The following NFIB variants were observed in gnomAD, a reference collection of about 807,000 sequenced individuals.
NFIB encodes the protein nuclear factor 1 B-type.
Under a neutral mutation model 61.5 loss-of-function variants are expected in NFIB, and 11 were observed. The observed-to-expected ratio is 0.18, with a 90% CI of 0.11 to 0.30. NFIB has a LOEUF of 0.30. Ranked by LOEUF, NFIB falls within the 10% of genes least tolerant of loss-of-function variation. The probability of loss-of-function intolerance (pLI) is 1.00; values close to 1 mark genes in which losing one functional copy is unlikely to be tolerated. For missense variants in NFIB, 471 were observed against 608.9 expected, an observed-to-expected ratio of 0.77 and a Z score of 2.38; for synonymous variants, 260 against 216.5, an observed-to-expected ratio of 1.20 and a Z score of -1.76.
At chr9:14,133,234 C>T (rs2040615622) in intron 6 of NFIB, among the ~76,000 whole-genome samples, 1 of 152,078 alleles carries the variant, frequency 6.6e-6, no homozygotes, top group African/African-American at 2.4e-5. Flanking sequence ...TTGAAAACCT[C>T]TTCAGAGACC....
upstream of NFIB, among the ~76,000 whole-genome samples, chr9:14,316,667 GATTAA>G (rs2060549022): frequency 6.6e-6 from 1 of 152,086 alleles, no homozygotes. Flanking sequence ...CCTCATCTTA[GATTAA>G]ACACACACAG....
chr9:14,186,444 A>T (rs1485897025), intron 2 of NFIB, among the ~76,000 whole-genome samples: 1 of 152,198 alleles, frequency 6.6e-6, no homozygotes. Flanking sequence ...TAATATAATA[A>T]AACAGTATAT....
intron 2 of NFIB, among the ~76,000 whole-genome samples, chr9:14,269,356 G>C (rs2057436842): frequency 6.6e-6 from 1 of 151,946 alleles, no homozygotes; most frequent in South Asian, 2.1e-4. Flanking sequence ...CCTTATATTT[G>C]ATGAAGGTTC....
chr9:14,245,915 G>C (rs1384242453), intron 2 of NFIB, among the ~76,000 whole-genome samples: 1 of 151,920 alleles, frequency 6.6e-6, no homozygotes. Context: ...TTATAAAAGT[G>C]GGACAGAGGA....
At chr9:14,229,442 GC>G (rs1375908719) in intron 2 of NFIB, among the ~76,000 whole-genome samples, 11 of 152,258 alleles carry the variant, frequency 7.2e-5, no homozygotes, top group Non-Finnish European at 1.5e-5. Flanking sequence ...GCACCAAAAG[GC>G]TGCAGAGTGT....
rs185739389 is a variant in NFIB at position 14,144,273 on chromosome 9, T to A, written c.925+2416A>T. 2.6e-5 allele frequency among the ~76,000 whole-genome samples: 4 copies of A among 152,240 alleles called. No individual in the cohort carries two copies. In the East Asian group the frequency reaches 7.7e-4, roughly 29 times the overall value. On this transcript the variant is annotated intron_variant, in intron 6 of 10. Coordinates refer to ENST00000380953, the MANE Select transcript of NFIB (RefSeq NM_001190737.2). ...GGAATCAATTCTTACAAAGTGACAC[T>A]CTCTATAATAAAGAACACCTACACT...
intron 2 of NFIB, among the ~76,000 whole-genome samples, chr9:14,217,829 C>A (rs1221845736): frequency 6.6e-6 from 1 of 151,996 alleles, no homozygotes; most frequent in East Asian, 1.9e-4. Context: ...TTGTTTCTTT[C>A]CCCCAAAAGA....
chr9:14,196,040 C>G (rs1005166662), intron 2 of NFIB, among the ~76,000 whole-genome samples: 73 of 152,182 alleles, frequency 4.8e-4, no homozygotes, highest in Admixed American at 1.5e-3. Context: ...TCTCCTTAGT[C>G]CATTGGCAGT....
the NFIB span, among the ~76,000 whole-genome samples, chr9:14,463,144 TATTTTGA>T: frequency 1.4e-4 from 9 of 65,624 alleles, no homozygotes; most frequent in East Asian, 8.8e-4. Flanking sequence ...ATAAAATAAT[TATTTTGA>T]TTGTTTTATT....
chr9:14,344,105 A>AG (rs1483768991), intron 1 of NFIB, among the ~76,000 whole-genome samples: 48 of 135,232 alleles, frequency 3.5e-4, no homozygotes, highest in African/African-American at 1.6e-3. Context: ...AGAGAGAGAG[A>AG]GAAAGAGAGA....
intron 2 of NFIB, among the ~76,000 whole-genome samples, chr9:14,301,290 G>A (rs767539528): frequency 1.3e-4 from 20 of 152,074 alleles, no homozygotes; most frequent in Non-Finnish European, 2.2e-4. Flanking sequence ...CACGATTCTC[G>A]AACAATGCAT....
chr9:14,334,445 C>T (rs1395686606), intron 1 of NFIB, among the ~76,000 whole-genome samples: 1 of 152,130 alleles, frequency 6.6e-6, no homozygotes, highest in African/African-American at 2.4e-5. Context: ...TGAGGCTGAG[C>T]ACCTTTTCAT....
intron 2 of NFIB, among the ~76,000 whole-genome samples, chr9:14,231,965 T>C (rs1443034324): frequency 6.6e-6 from 1 of 152,216 alleles, no homozygotes; most frequent in East Asian, 1.9e-4. Context: ...AAGGCCACAG[T>C]GTGGCTGAAA....
At chr9:14,134,897 CAAAAAAAAAAAA>C (rs57014530) in intron 6 of NFIB, among the ~76,000 whole-genome samples, 2 of 64,344 alleles carry the variant, frequency 3.1e-5, no homozygotes, top group African/African-American at 4.6e-5. Flanking sequence ...GACTCTGTCT[CAAAAAAAAAAAA>C]AAAAAAAAAA....
chr9:14,427,375 ACAACC>A, the NFIB span, among the ~76,000 whole-genome samples: 1 of 152,182 alleles, frequency 6.6e-6, no homozygotes. Flanking sequence ...AGTCCACGTG[ACAACC>A]CTTTAGGCAG....
At chr9:14,467,642 T>C in the NFIB span, among the ~76,000 whole-genome samples, 1 of 152,256 alleles carries the variant, frequency 6.6e-6, no homozygotes, top group Admixed American at 6.5e-5. Flanking sequence ...TCACTCAATA[T>C]TGATTTACTC....
chr9:14,284,159 T>C (rs1479057684), intron 2 of NFIB, among the ~76,000 whole-genome samples: 2 of 152,170 alleles, frequency 1.3e-5, no homozygotes, highest in Non-Finnish European at 2.9e-5. Flanking sequence ...TATCTATTAT[T>C]TGATGAGAAT....
the NFIB span, among the ~76,000 whole-genome samples, chr9:14,476,062 A>C: frequency 3.7e-4 from 57 of 152,314 alleles, 1 homozygote; most frequent in East Asian, 7.5e-3. Context: ...AGTCAATGCC[A>C]CATGTCAATA....
chr9:14,423,340 G>A, the NFIB span, among the ~76,000 whole-genome samples: 1 of 152,150 alleles, frequency 6.6e-6, no homozygotes, highest in Non-Finnish European at 1.5e-5. Flanking sequence ...GTGCTCAGAT[G>A]TTTTCTCGTG....
Sources: allele counts gnomAD v4.1 joint callset (sites outside exome capture counted in the v4.1 genomes callset), GRCh38; gene constraint gnomAD v4.1.1; transcripts MANE v1.5; gene names NCBI Gene and HGNC (gene_info 2026-07-23, HGNC 2026-07-21).